The following TACR3 variants were observed in gnomAD, a reference collection of about 807,000 sequenced individuals.
TACR3 encodes the protein tachykinin receptor 3, also known as neuromedin-K receptor.
Under a neutral mutation model 35.0 loss-of-function variants are expected in TACR3, and 34 were observed. The observed-to-expected ratio is 0.97, with a 90% confidence interval of 0.74 to 1.30. TACR3 has a LOEUF of 1.30. Among genes scored for constraint, TACR3 ranks in the 50% most tolerant of loss-of-function variants. TACR3 has a pLI of 0.00. For synonymous variants in TACR3, 233 were observed against 221.1 expected (o/e 1.05, Z -0.48); for missense variants, 558 against 591.7 (o/e 0.94, Z 0.59).
At chr4:103,615,637 G>C (rs1258777616) in intron 3 of TACR3, among the ~76,000 whole-genome samples, 1 of 152,020 alleles carries the variant, frequency 6.6e-6, no homozygotes, top group African/African-American at 2.4e-5. Flanking sequence ...GAAAGAAAAA[G>C]ACTAAATGTC....
intron 3 of TACR3, among the ~76,000 whole-genome samples, chr4:103,620,645 A>G (rs1724754513): frequency 6.6e-6 from 1 of 152,196 alleles, no homozygotes; most frequent in African/African-American, 2.4e-5. Flanking sequence ...TAATGCAGGA[A>G]TAGAAAACCA....
intron 3 of TACR3, among the ~76,000 whole-genome samples, chr4:103,597,978 T>A (rs1451437650): frequency 6.6e-6 from 1 of 152,212 alleles, no homozygotes; most frequent in Non-Finnish European, 1.5e-5. Context: ...AGTAATGGGA[T>A]GGCTAGGTCA....
intron 3 of TACR3, among the ~76,000 whole-genome samples, chr4:103,655,261 G>A (rs1725708824): frequency 6.6e-6 from 1 of 152,094 alleles, no homozygotes; most frequent in Non-Finnish European, 1.5e-5. Context: ...TCACTGTTAA[G>A]TGAGTTTTTG....
chr4:103,589,947 T>A lies in TACR3; in HGVS notation c.1133A>T (p.Lys378Ile), dbSNP rs200191397. The change falls in exon 5 of 5, where the codon AAA becomes ATA. Residue 378 changes from lysine (K) to isoleucine (I), a missense_variant. Lys to Ile is a moderately radical substitution (Grantham distance 102, BLOSUM62 -3). Coordinates refer to ENST00000304883, the MANE Select transcript of TACR3 (RefSeq NM_001059.3). ...KRAFRWCPFI[K>I]VSSYDELELK... The stretch of plus-strand genomic sequence containing the variant: ...CTCTAGCTCATCATAGCTGGAAACT[T>A]TGATGAAAGGACACCAGCGAAATGC... The A allele has an allele frequency of 2.5e-6, 4 of 1,613,894 alleles. No individual in the cohort carries two copies. The highest frequency in any genetic ancestry group is 1.7e-4 in the Middle Eastern group (1 of 6,060).
chr4:103,599,794 A>G (rs62306502), intron 3 of TACR3, among the ~76,000 whole-genome samples: 5,269 of 152,232 alleles, frequency 0.035, 336 homozygotes, highest in African/African-American at 0.12. Flanking sequence ...CTTGCATCCC[A>G]GGGATGAAGC....
At position 103,719,559 on chromosome 4, in the gene TACR3, A is replaced by C. The variant is rs1273836766; in HGVS notation, c.117T>G (p.Thr39=). The C allele has an allele frequency of 3.7e-6, 6 of 1,608,978 alleles. No individual in the cohort carries two copies. The South Asian group carries it at 5.5e-5, about 15-fold the overall frequency. The change falls in exon 1 of 5, where the codon ACT becomes ACG. Residue 39 remains threonine (T), a synonymous_variant. Transcript: ENST00000304883. ...CTTGGTCCAGCAGTTGCAGCCACCC[A>C]GTCTCAACTGCCCCCGTGGCCGCCC... ...AAGAATGAVE[T]GWLQLLDQAG... is the part of the protein sequence containing the mutation.
chr4:103,671,872 CAA>C (rs1243765609), intron 1 of TACR3, among the ~76,000 whole-genome samples: 5 of 152,010 alleles, frequency 3.3e-5, no homozygotes, highest in African/African-American at 1.2e-4. Flanking sequence ...CTTCTTTTCA[CAA>C]AAGATTTCAC....
At chr4:103,607,337 G>C (rs1014106367) in intron 3 of TACR3, among the ~76,000 whole-genome samples, 1 of 151,960 alleles carries the variant, frequency 6.6e-6, no homozygotes, top group Admixed American at 6.6e-5. Context: ...ACTTTTGAAG[G>C]TATCTGATTT....
intron 1 of TACR3, among the ~76,000 whole-genome samples, chr4:103,666,724 G>A (rs1725943651): frequency 1.3e-5 from 2 of 152,002 alleles, no homozygotes; most frequent in African/African-American, 4.8e-5. Flanking sequence ...AATCTATAGT[G>A]GCAATATAAA....
At chr4:103,676,849 A>G (rs1474210122) in intron 1 of TACR3, among the ~76,000 whole-genome samples, 3 of 152,208 alleles carry the variant, frequency 2.0e-5, no homozygotes, top group South Asian at 2.1e-4. Context: ...AGCGAAAGCA[A>G]AAATAGACAA....
At chr4:103,639,706 A>G (rs561909768) in intron 3 of TACR3, among the ~76,000 whole-genome samples, 1 of 152,004 alleles carries the variant, frequency 6.6e-6, no homozygotes, top group Non-Finnish European at 1.5e-5. Flanking sequence ...TACAGAGAGA[A>G]AGAACACATT....
At chr4:103,695,907 T>C (rs1203327536) in intron 1 of TACR3, among the ~76,000 whole-genome samples, 1 of 152,190 alleles carries the variant, frequency 6.6e-6, no homozygotes, top group Non-Finnish European at 1.5e-5. Context: ...ATATACTTAT[T>C]TTTGAAATTA....
chr4:103,661,057 G>T (rs1725829935), intron 1 of TACR3, among the ~76,000 whole-genome samples: 1 of 151,972 alleles, frequency 6.6e-6, no homozygotes, highest in Non-Finnish European at 1.5e-5. Flanking sequence ...TTTTAAGCCA[G>T]TTTTGCCAGT....
At chr4:103,677,335 T>A (rs1726190768) in intron 1 of TACR3, among the ~76,000 whole-genome samples, 1 of 152,130 alleles carries the variant, frequency 6.6e-6, no homozygotes, top group Non-Finnish European at 1.5e-5. Flanking sequence ...GAAATACTAT[T>A]CGACCCAGCA....
chr4:103,596,926 C>T (rs13140049), intron 3 of TACR3, among the ~76,000 whole-genome samples: 5,186 of 150,884 alleles, frequency 0.034, 296 homozygotes, highest in African/African-American at 0.12. Flanking sequence ...ACAAAGGACA[C>T]GAACTCATCA....
intron 1 of TACR3, 125 bp from the exon 2 acceptor site, chr4:103,658,528 A>C (rs938047249): frequency 1.1e-5 from 9 of 846,214 alleles, no homozygotes; most frequent in Admixed American, 8.3e-5. Flanking sequence ...AAACCAGTTG[A>C]TAAGGACTGC....
chr4:103,618,718 C>T (rs543316423), intron 3 of TACR3, among the ~76,000 whole-genome samples: 1 of 151,824 alleles, frequency 6.6e-6, no homozygotes, highest in Admixed American at 6.6e-5. Context: ...TGAATTCCTC[C>T]AATCCATGAG....
At position 103,603,575 on chromosome 4, in the gene TACR3, A is replaced by G. The variant is rs146226949; in HGVS notation, c.889-11892T>C. On this transcript the variant is annotated intron_variant, in intron 3 of 4. Transcript: ENST00000304883. ...ATTTTCTTTATCCAGTCTATCATTG[A>G]TGGGCATTTGGGTTGGTTCCAAGAC... is the stretch of plus-strand genomic sequence containing the variant. Among the ~76,000 whole-genome samples the G allele has an allele frequency of 1.9e-3, 289 of 152,238 alleles. 1 individual carries two copies. Among genetic ancestry groups the G allele is most frequent in the African/African-American group, 6.5e-3 (268 of 41,526 alleles).
At chr4:103,608,159 AG>A (rs1477800142) in intron 3 of TACR3, among the ~76,000 whole-genome samples, 5 of 152,138 alleles carry the variant, frequency 3.3e-5, no homozygotes, top group Admixed American at 3.3e-4. Context: ...GGATTAACCT[AG>A]GTGCTCATCG....
Sources: gnomAD v4.1 joint callset for allele counts (sites outside exome capture counted in the v4.1 genomes callset) on GRCh38, gnomAD v4.1.1 for gene constraint, MANE v1.5 for transcripts, NCBI Gene and HGNC (gene_info 2026-07-23, HGNC 2026-07-21) for gene names.